TNRC6B: variants seen among roughly 807,000 people sequenced by gnomAD.
TNRC6B encodes the protein trinucleotide repeat containing adaptor 6B, also known as trinucleotide repeat-containing gene 6B protein.
Under a neutral mutation model 203.6 loss-of-function variants are expected in TNRC6B, and 52 were observed. That is an observed-to-expected ratio of 0.26 (90% CI 0.20 to 0.32). The LOEUF (loss-of-function observed/expected upper bound fraction) is 0.32. Among genes scored for constraint, TNRC6B ranks in the 10% least tolerant of loss-of-function variants. The probability of loss-of-function intolerance (pLI) is 1.00; values close to 1 mark genes in which losing one functional copy is unlikely to be tolerated. For synonymous variants in TNRC6B, 838 were observed against 845.7 expected (o/e 0.99, Z 0.16); for missense variants, 1,923 against 2,286.2 (o/e 0.84, Z 3.24).
rs995295739 is a variant in TNRC6B, at chr22:40,257,765, A to G, written c.116-4067A>G. ...CGGCCAGGTGCGGTGGCTCACGCCTATAATCCCAGCACTTTGGGAGGCTGA... is the reference window on the plus strand; with the variant it reads ...CGGCCAGGTGCGGTGGCTCACGCCTGTAATCCCAGCACTTTGGGAGGCTGA... On this transcript the variant is annotated intron_variant, in intron 3 of 22. Coordinates refer to ENST00000454349, the MANE Select transcript of TNRC6B (RefSeq NM_001162501.2). Among the ~76,000 whole-genome samples the G allele has an allele frequency of 8.6e-5, 13 of 150,372 alleles. No homozygotes were observed. In the South Asian group the frequency reaches 1.7e-3, roughly 20 times the overall value.
chr22:40,157,427 T>G (rs1209707169), intron 4 of TNRC6B, among the ~76,000 whole-genome samples: 5 of 152,152 alleles, frequency 3.3e-5, no homozygotes, highest in Non-Finnish European at 7.4e-5. Context: ...TAGGAATAAA[T>G]TATGCAGAAT....
chr22:40,075,505 C>T (rs1009465169), intron 1 of TNRC6B, among the ~76,000 whole-genome samples: 4 of 151,364 alleles, frequency 2.6e-5, no homozygotes, highest in Admixed American at 6.6e-5. Context: ...TTAACTTATT[C>T]GTGTCTTTAT....
At chr22:40,320,892 C>G (rs1197562721) in intron 21 of TNRC6B, among the ~76,000 whole-genome samples, 198 bp from the exon 22 acceptor site, 2 of 152,136 alleles carry the variant, frequency 1.3e-5, no homozygotes, top group Admixed American at 1.3e-4. Context: ...TTTTTTGACT[C>G]TACAAGTTAA....
At chr22:40,239,122 G>A (rs139763739) in intron 1 of TNRC6B, among the ~76,000 whole-genome samples, 3,865 of 152,270 alleles carry the variant, frequency 0.025, 187 homozygotes, top group African/African-American at 0.09. Context: ...AGAATCACTT[G>A]AACCTGGGAG....
intron 1 of TNRC6B, among the ~76,000 whole-genome samples, chr22:40,084,121 G>A (rs2146291452): frequency 6.6e-6 from 1 of 152,260 alleles, no homozygotes; most frequent in South Asian, 2.1e-4. Context: ...AGGAGACCTT[G>A]GAAGCGAATT....
chr22:40,072,258 A>T (rs973157067), intron 1 of TNRC6B, among the ~76,000 whole-genome samples: 1 of 152,220 alleles, frequency 6.6e-6, no homozygotes, highest in Non-Finnish European at 1.5e-5. Context: ...AGTCAAAAAC[A>T]GCATATAATA....
At chr22:40,173,928 C>A (rs2069031068), upstream of TNRC6B, among the ~76,000 whole-genome samples, 1 of 148,644 alleles carries the variant, frequency 6.7e-6, no homozygotes, top group South Asian at 2.1e-4. Context: ...CTTAGCCTCC[C>A]AAGTAGCTGG....
intron 3 of TNRC6B, among the ~76,000 whole-genome samples, chr22:40,144,226 A>G (rs760875224): frequency 5.3e-5 from 8 of 152,248 alleles, no homozygotes; most frequent in Non-Finnish European, 1.0e-4. Flanking sequence ...TGTATACTCC[A>G]TAGAAATGAC....
intron 1 of TNRC6B, among the ~76,000 whole-genome samples, chr22:40,071,173 G>A (rs981865891): frequency 6.6e-6 from 1 of 151,448 alleles, no homozygotes; most frequent in African/African-American, 2.4e-5. Flanking sequence ...TTTCTCTATA[G>A]GCCAGTTAAT....
At chr22:40,285,355 AT>A (rs2070766885) in intron 11 of TNRC6B, among the ~76,000 whole-genome samples, 1 of 152,196 alleles carries the variant, frequency 6.6e-6, no homozygotes, top group South Asian at 2.1e-4. Context: ...AATAAATGTT[AT>A]GTTGCCTATA....
At chr22:40,132,644 CAA>C (rs35771828) in intron 3 of TNRC6B, among the ~76,000 whole-genome samples, 6 of 65,052 alleles carry the variant, frequency 9.2e-5, no homozygotes, top group Non-Finnish European at 1.2e-4. Flanking sequence ...GACTCCATCT[CAA>C]AAAAAAAAAA....
Position 40,323,014 on chromosome 22 carries a change from G to A in TNRC6B, c.5275G>A (p.Val1759Met), listed in dbSNP as rs773536051. 53 of 1,605,374 alleles carry A rather than the reference G, an allele frequency of 3.3e-5. No homozygotes were observed. The highest frequency in any genetic ancestry group is 4.3e-5 in the Non-Finnish European group (50 of 1,175,728). ...LETGQNQSDP[V>M]GPALNLFGGS... ...GACCGGCCAGAACCAGTCAGATCCC[G>A]TGGGACCTGCTCTGAATCTTTTTGG... Residue 1759 changes from valine (V) to methionine (M), a missense_variant, in exon 23 of 23, where the codon GTG (valine) becomes ATG (methionine). This residue lies in a region of TNRC6B where 126 missense variants were observed against 137.5 expected (regional missense o/e 0.92). Transcript: ENST00000454349.
intron 2 of TNRC6B, among the ~76,000 whole-genome samples, chr22:40,123,117 A>G (rs901754043): frequency 7.2e-5 from 11 of 152,262 alleles, no homozygotes; most frequent in Non-Finnish European, 1.3e-4. Flanking sequence ...GGGCTGTAGT[A>G]GTAGAGAAGG....
intron 1 of TNRC6B, among the ~76,000 whole-genome samples, chr22:40,242,976 C>G (rs2070052396): frequency 6.6e-6 from 1 of 151,828 alleles, no homozygotes; most frequent in East Asian, 2.0e-4. Flanking sequence ...TCAAGCAATT[C>G]TCCTGCCTCA....
chr22:40,080,501 A>G (rs1338361879), intron 1 of TNRC6B, among the ~76,000 whole-genome samples: 1 of 152,166 alleles, frequency 6.6e-6, no homozygotes, highest in African/African-American at 2.4e-5. Flanking sequence ...TAAACACAAC[A>G]TTAAATCCAC....
chr22:40,301,650 C>T (rs930679043), intron 15 of TNRC6B, among the ~76,000 whole-genome samples: 3 of 152,138 alleles, frequency 2.0e-5, no homozygotes, highest in Admixed American at 6.5e-5. Flanking sequence ...TGCTATAGCA[C>T]ATATCAGAAT....
chr22:40,154,234 C>T (rs978936064), intron 3 of TNRC6B, among the ~76,000 whole-genome samples: 18 of 152,126 alleles, frequency 1.2e-4, no homozygotes, highest in South Asian at 2.1e-4. Flanking sequence ...GAGGCCAAGA[C>T]GGGTGGATCA....
intron 1 of TNRC6B, among the ~76,000 whole-genome samples, chr22:40,220,969 A>C (rs1187854706): frequency 1.3e-5 from 2 of 152,142 alleles, no homozygotes; most frequent in African/African-American, 4.8e-5. Flanking sequence ...TTTTCACCCA[A>C]AGCCCCGCCT....
rs998095974 is a variant in TNRC6B, at chr22:40,103,932, C to T, written c.-120-13123C>T. On this transcript the variant is annotated intron_variant, in intron 1 of 23. Coordinates refer to the TNRC6B transcript ENST00000301923. ...TGCTGGGATTACAGGCATGAGCCAC[C>T]GCGCCCAGCCAAGTCTATCTTTTAA... Among the ~76,000 whole-genome samples, 19 of 150,698 alleles carry T rather than the reference C, an allele frequency of 1.3e-4. No homozygotes were observed. In the East Asian group the frequency reaches 2.8e-3, roughly 22 times the overall value.
Sources: gnomAD v4.1 joint callset for allele counts (sites outside exome capture counted in the v4.1 genomes callset) on GRCh38, gnomAD v4.1.1 for gene constraint, gnomAD v4.1.1 regional missense constraint, MANE v1.5 for transcripts, NCBI Gene and HGNC (gene_info 2026-07-23, HGNC 2026-07-21) for gene names.